DNAI3: variants seen among roughly 807,000 people sequenced by gnomAD.
DNAI3 encodes the protein WD repeat domain 63.
Under a neutral mutation model 115.5 loss-of-function variants are expected in DNAI3, and 83 were observed. That is an observed-to-expected ratio of 0.72 (90% CI 0.60 to 0.86). The LOEUF is 0.86. Ranked by LOEUF, DNAI3 falls within the 40% of genes least tolerant of loss-of-function variation. The probability of loss-of-function intolerance (pLI) is 0.00; values close to 1 mark genes in which losing one functional copy is unlikely to be tolerated. For synonymous variants in DNAI3, 320 were observed against 347.0 expected, an observed-to-expected ratio of 0.92 and a Z score of 0.86; for missense variants, 1,004 against 1,075.8, an observed-to-expected ratio of 0.93 and a Z score of 0.93.
chr1:85,101,596 C>T (rs994689682), intron 13 of DNAI3, among the ~76,000 whole-genome samples: 18 of 151,724 alleles, frequency 1.2e-4, no homozygotes, highest in South Asian at 4.2e-4. Flanking sequence ...GGCGTGGTGG[C>T]GGGCGCCTGT....
At chr1:85,111,154 A>G (rs1655648892) in intron 16 of DNAI3, among the ~76,000 whole-genome samples, 3 of 152,382 alleles carry the variant, frequency 2.0e-5, no homozygotes, top group East Asian at 1.9e-4. Context: ...TAAGAAAAAC[A>G]CATACCTAAT....
intron 3 of DNAI3, among the ~76,000 whole-genome samples, chr1:85,077,077 A>C (rs899912856): frequency 2.0e-5 from 3 of 152,186 alleles, no homozygotes; most frequent in African/African-American, 7.2e-5. Context: ...GTTCATGTTA[A>C]CTCTTTTTAC....
intron 2 of DNAI3, 108 bp from the exon 3 acceptor site, chr1:85,072,946 C>T (rs1372092429): frequency 5.4e-6 from 3 of 550,646 alleles, no homozygotes; most frequent in Non-Finnish European, 8.1e-6. Context: ...CAGAGCAAGA[C>T]TCCGTCTCAA....
intron 15 of DNAI3, 106 bp from the exon 16 acceptor site, chr1:85,109,942 G>T: frequency 9.9e-7 from 1 of 1,014,368 alleles, no homozygotes; most frequent in Admixed American, 2.2e-5. Flanking sequence ...AAAAAAGGAG[G>T]TGGGTTTCCT....
chr1:85,097,347 A>G (rs1321886802), intron 11 of DNAI3, among the ~76,000 whole-genome samples: 1 of 152,206 alleles, frequency 6.6e-6, no homozygotes, highest in African/African-American at 2.4e-5. Flanking sequence ...GCCTTTATTA[A>G]TGTAAGCACA....
chr1:85,082,036 A>G (rs1295755343), intron 4 of DNAI3, among the ~76,000 whole-genome samples: 2 of 152,246 alleles, frequency 1.3e-5, no homozygotes, highest in Admixed American at 1.3e-4. Context: ...TATGCATGCT[A>G]CAGAGCACAA....
At chr1:85,131,444 C>CAAAA (rs750127280) in intron 22 of DNAI3, among the ~76,000 whole-genome samples, 4 of 16,828 alleles carry the variant, frequency 2.4e-4, no homozygotes, top group Non-Finnish European at 4.1e-4. Context: ...AACTCCATCT[C>CAAAA]AAAAAAAAAA....
chr1:85,082,214 T>G (rs1654652775), intron 4 of DNAI3, 86 bp from the exon 5 acceptor site: 3 of 1,045,528 alleles, frequency 2.9e-6, no homozygotes, highest in Admixed American at 4.3e-5. Context: ...ATTGGTTGAT[T>G]AGCGAAATGT....
In DNAI3 at chr1:85,066,314, CT is replaced by C. The variant is rs57553075; in HGVS notation, c.-15+3854del. Among the ~76,000 whole-genome samples, 431 of 70,030 alleles carry C rather than the reference CT, an allele frequency of 6.2e-3. 9 individuals carry two copies. Among genetic ancestry groups the C allele is most frequent in the African/African-American group, 0.022 (360 of 16,308 alleles). 45.9% of individuals were successfully genotyped at this position (70,030 alleles called of 152,430 possible). A position where few individuals can be genotyped will look rare whatever the true frequency, so the allele number is the denominator to read the frequency against. ...TAGACGAATTATCTCTTCTGCTACT[CT>C]TTTTTTTTTTTTTTTTTTTTTTTTT... On this transcript the variant is annotated intron_variant, in intron 1 of 22. Coordinates refer to ENST00000294664, the MANE Select transcript of DNAI3 (RefSeq NM_145172.5).
intron 19 of DNAI3, among the ~76,000 whole-genome samples, chr1:85,124,975 G>A (rs961658202): frequency 1.3e-5 from 2 of 152,156 alleles, no homozygotes; most frequent in Non-Finnish European, 1.5e-5. Flanking sequence ...TGAATAAGCT[G>A]AGGGTATGTC....
chr1:85,126,687 C>T lies in DNAI3; in HGVS notation c.2289C>T (p.Ile763=). 3 of 1,614,140 alleles carry T rather than the reference C, an allele frequency of 1.9e-6. No individual in the cohort carries two copies. Among genetic ancestry groups the T allele is most frequent in the Non-Finnish European group, 2.5e-6 (3 of 1,180,008 alleles). Residue 763 remains isoleucine, a synonymous_variant, in exon 20 of 23, where the codon ATC becomes ATT. Coordinates refer to ENST00000294664, the MANE Select transcript of DNAI3 (RefSeq NM_145172.5). ...AQSQNICITM[I]TYIKPWIFSS... ...CTCAAAACATTTGCATAACTATGAT[C>T]ACCTACATCAAACCCTGGATCTTTT... is the stretch of plus-strand genomic sequence containing the variant.
chr1:85,084,649 G>A lies in DNAI3; in HGVS notation c.494G>A (p.Ser165Asn). 1 of 1,560,294 alleles carries A rather than the reference G, an allele frequency of 6.4e-7. No homozygotes were observed. Among genetic ancestry groups the A allele is most frequent in the South Asian group, 1.2e-5 (1 of 82,374 alleles). The change falls in exon 6 of 23, where the codon AGT (serine) becomes AAT (asparagine). Residue 165 changes from serine to asparagine, a missense_variant. Around this residue, in one of 3 missense-constraint regions of DNAI3, gnomAD observed 550 missense variants for 568.1 expected, o/e 0.97. Transcript: ENST00000294664. ...TCTAAACCATGGGTTTCTTTGGGCA[G>A]TGAAAAAGAAATTGAGGAAGAATCA... The part of the protein sequence containing the change: ...PVSKPWVSLG[S>N]EKEIEEESVT...
At chr1:85,068,894 TA>T (rs1320028051) in intron 1 of DNAI3, among the ~76,000 whole-genome samples, 1 of 152,182 alleles carries the variant, frequency 6.6e-6, no homozygotes. Flanking sequence ...TAGGAAGCAT[TA>T]TGTAGTTCCA....
At chr1:85,111,870 A>G (rs576735605) in intron 16 of DNAI3, among the ~76,000 whole-genome samples, 4 of 152,254 alleles carry the variant, frequency 2.6e-5, no homozygotes, top group Non-Finnish European at 4.4e-5. Context: ...ACACCCATGA[A>G]ACCATCAACA....
rs541742265 is a variant in DNAI3, at chr1:85,112,370, C to G, written c.1786+2235C>G. Among the ~76,000 whole-genome samples the G allele has an allele frequency of 1.1e-4, 16 of 152,308 alleles. No individual in the cohort carries two copies. In the South Asian group the frequency reaches 3.3e-3, roughly 32 times the overall value. On this transcript the variant is annotated intron_variant, in intron 16 of 22. Transcript: ENST00000294664. ...TAAACATTTGGATTTTTAGCGTAGA[C>G]CTATTACAAATAAAGCTTTTATGAA... is the stretch of plus-strand genomic sequence containing the variant.
chr1:85,076,602 G>A (rs975760539), intron 3 of DNAI3, among the ~76,000 whole-genome samples: 5 of 152,228 alleles, frequency 3.3e-5, no homozygotes, highest in African/African-American at 4.8e-5. Context: ...CATCTTACAC[G>A]GCAGCAGGCA....
At chr1:85,107,863 A>G (rs557632138) in intron 14 of DNAI3, among the ~76,000 whole-genome samples, 170 bp from the exon 15 acceptor site, 5 of 152,212 alleles carry the variant, frequency 3.3e-5, no homozygotes, top group Admixed American at 6.5e-5. Context: ...AAACAGTTTA[A>G]TTCTCTAAAA....
At chr1:85,124,924 C>G (rs568603449) in intron 19 of DNAI3, among the ~76,000 whole-genome samples, 1 of 152,248 alleles carries the variant, frequency 6.6e-6, no homozygotes, top group Non-Finnish European at 1.5e-5. Context: ...TCATCTTTCC[C>G]TCTGCACCAG....
At chr1:85,093,748 C>T in intron 9 of DNAI3, 100 bp downstream of exon 9, 4 of 1,422,350 alleles carry the variant, frequency 2.8e-6, no homozygotes, top group Non-Finnish European at 3.9e-6. Context: ...CAATAAGACA[C>T]CTTCCATTTG....
Sources: gnomAD v4.1 joint callset for allele counts (sites outside exome capture counted in the v4.1 genomes callset) on GRCh38, gnomAD v4.1.1 for gene constraint, gnomAD v4.1.1 regional missense constraint, MANE v1.5 for transcripts, NCBI Gene and HGNC (gene_info 2026-07-23, HGNC 2026-07-21) for gene names.